The following RAD51B variants were observed in gnomAD, a reference collection of about 807,000 sequenced individuals.
RAD51B encodes DNA repair protein RAD51 homolog 2.
In RAD51B, 38 loss-of-function variants were observed where a neutral mutation model predicts 42.2. The ratio of observed to expected loss-of-function variants is 0.90; its 90% CI spans 0.70 to 1.18. RAD51B has a LOEUF of 1.18. RAD51B is among the 50% of genes most tolerant of loss of function. The pLI is 0.00. For synonymous variants in RAD51B, 154 were observed against 145.2 expected (o/e 1.06, Z -0.43); for missense variants, 373 against 400.7 (o/e 0.93, Z 0.59).
intron 7 of RAD51B, among the ~76,000 whole-genome samples, chr14:67,992,027 A>G (rs201326095): frequency 6.6e-6 from 1 of 151,458 alleles, no homozygotes; most frequent in East Asian, 1.9e-4. Flanking sequence ...TGTTTCTTTC[A>G]AAAAAATGCA....
intron 7 of RAD51B, among the ~76,000 whole-genome samples, chr14:67,893,494 ACACACACACACAC>A (rs1294013548): frequency 2.7e-4 from 23 of 85,316 alleles, no homozygotes; most frequent in African/African-American, 1.1e-3. Flanking sequence ...ACACACACAC[ACACACACACACAC>A]ACAAAAAAAA....
chr14:68,559,960 C>A (rs1319794890), intron 10 of RAD51B, among the ~76,000 whole-genome samples: 1 of 152,124 alleles, frequency 6.6e-6, no homozygotes, highest in Non-Finnish European at 1.5e-5. Context: ...ATGAGAAGAC[C>A]CAGACCCAGA....
At chr14:68,584,065 C>G (rs550563200) in intron 10 of RAD51B, among the ~76,000 whole-genome samples, 1 of 149,198 alleles carries the variant, frequency 6.7e-6, no homozygotes, top group African/African-American at 2.5e-5. Context: ...GATGCCCAGG[C>G]GCCCCCCCAC....
At chr14:68,272,624 TTATAAACACTTTATATATATATATA>T (rs1322949922) in intron 7 of RAD51B, among the ~76,000 whole-genome samples, 4 of 114,728 alleles carry the variant, frequency 3.5e-5, no homozygotes, top group Non-Finnish European at 7.2e-5. Flanking sequence ...GGTATTTTGT[TTATAAACACTTTATATATATATATA>T]TATATATATA....
Position 68,611,505 on chromosome 14 carries a change from T to G in RAD51B, c.*258T>G, listed in dbSNP as rs1243538690. The G allele has an allele frequency of 1.2e-5, 6 of 511,114 alleles. No homozygotes were observed. The East Asian group carries it at 2.0e-4, about 17-fold the overall frequency. The allele number at this position is 511,114 out of a possible 1,614,324, so 31.7% of individuals were successfully genotyped here. On this transcript the variant is annotated 3_prime_UTR_variant, in exon 11 of 11. Transcript: ENST00000487861. ...GAGTGATTAGAGCTTCTGCCCTCCT[T>G]GCAGCATCTCTATTGTAAAAGGATT...
chr14:68,440,766 A>G (rs2085267460), intron 9 of RAD51B, among the ~76,000 whole-genome samples: 1 of 152,138 alleles, frequency 6.6e-6, no homozygotes, highest in South Asian at 2.1e-4. Flanking sequence ...AGAAAGAAAG[A>G]AAGAAAGAAA....
chr14:67,930,604 C>G (rs2044692717), intron 7 of RAD51B, among the ~76,000 whole-genome samples: 1 of 152,136 alleles, frequency 6.6e-6, no homozygotes, highest in African/African-American at 2.4e-5. Flanking sequence ...ACATTTTCCT[C>G]TTGCTGCTTT....
chr14:68,085,538 T>C (rs1169597689), intron 7 of RAD51B, among the ~76,000 whole-genome samples: 3 of 152,128 alleles, frequency 2.0e-5, no homozygotes, highest in Admixed American at 6.5e-5. Flanking sequence ...TGAATTCAGC[T>C]AAGAGTTCAA....
At chr14:68,476,134 T>G (rs1477287421) in intron 10 of RAD51B, among the ~76,000 whole-genome samples, 1 of 151,898 alleles carries the variant, frequency 6.6e-6, no homozygotes, top group Non-Finnish European at 1.5e-5. Context: ...AAAAGCCAAC[T>G]GTGATACCTA....
chr14:68,132,827 C>A (rs574033491), intron 7 of RAD51B, among the ~76,000 whole-genome samples: 45 of 152,316 alleles, frequency 3.0e-4, no homozygotes, highest in South Asian at 1.0e-3. Context: ...ATACATCTCC[C>A]AACAATCAAG....
chr14:68,475,823 A>G (rs576434707), intron 10 of RAD51B, among the ~76,000 whole-genome samples: 1 of 152,356 alleles, frequency 6.6e-6, no homozygotes, highest in South Asian at 2.1e-4. Flanking sequence ...CTATCTTTGC[A>G]GAGTTAACAA....
In RAD51B at chr14:68,032,749, C is replaced by T. The variant is rs547054040; in HGVS notation, c.756+145545C>T. 2.6e-5 allele frequency among the ~76,000 whole-genome samples: 4 copies of T among 152,280 alleles called. No homozygotes were observed. In the East Asian group the frequency reaches 7.7e-4, roughly 29 times the overall value. ...AGTGATAACAAGAAATGTTATTTCC[C>T]TTTATAAACATTCTAATGAGTTTTC... On this transcript the variant is annotated intron_variant, in intron 7 of 10. Coordinates refer to ENST00000471583, the MANE Select transcript of RAD51B (RefSeq NM_133510.4).
intron 7 of RAD51B, among the ~76,000 whole-genome samples, chr14:68,127,883 GTT>G (rs2077804232): frequency 2.0e-5 from 3 of 152,156 alleles, no homozygotes; most frequent in Admixed American, 1.3e-4. Context: ...GGAATTGCCT[GTT>G]AGTTTGTGTC....
chr14:68,431,762 T>A (rs1033530147), intron 9 of RAD51B, among the ~76,000 whole-genome samples: 16 of 152,356 alleles, frequency 1.1e-4, no homozygotes, highest in Non-Finnish European at 2.1e-4. Flanking sequence ...TCAGTTCTGC[T>A]CCGATCTTAG....
chr14:68,075,607 T>A (rs1382246581), intron 7 of RAD51B, among the ~76,000 whole-genome samples: 2 of 150,332 alleles, frequency 1.3e-5, no homozygotes, highest in African/African-American at 4.9e-5. Context: ...CTGAGAGCAG[T>A]AAGGGCAGTA....
chr14:68,246,555 G>A (rs7145107), intron 7 of RAD51B, among the ~76,000 whole-genome samples: 4,472 of 152,186 alleles, frequency 0.029, 225 homozygotes, highest in African/African-American at 0.1. Flanking sequence ...ATTCTGTAAC[G>A]GAAGTCACCA....
chr14:68,595,120 C>T lies in RAD51B; in HGVS notation c.*517C>T, dbSNP rs896432785. 6 of 1,066,898 alleles carry T rather than the reference C, an allele frequency of 5.6e-6. No homozygotes were observed. In the African/African-American group the frequency reaches 9.8e-5, roughly 17 times the overall value. 66.1% of individuals were successfully genotyped at this position (1,066,898 alleles called of 1,614,324 possible). A position where few individuals can be genotyped will look rare whatever the true frequency, so the allele number is the denominator to read the frequency against. On this transcript the variant is annotated 3_prime_UTR_variant, in exon 11 of 11. Transcript: ENST00000487270. ...TGAACCACAGCATTTTGGTAAATGC[C>T]TCAGCATGTTAGGAGCGCTGGAACG... is the stretch of plus-strand genomic sequence containing the variant.
chr14:68,402,485 C>T (rs1217159432), intron 8 of RAD51B, among the ~76,000 whole-genome samples: 2 of 152,202 alleles, frequency 1.3e-5, no homozygotes, highest in African/African-American at 2.4e-5. Context: ...TCCCTAGTCT[C>T]GCACTCAGAC....
intron 3 of RAD51B, among the ~76,000 whole-genome samples, chr14:67,828,621 G>T (rs1353195156): frequency 6.6e-6 from 1 of 151,938 alleles, no homozygotes; most frequent in Non-Finnish European, 1.5e-5. Context: ...TATAGTTTTG[G>T]ATTTTACATT....
Sources: allele counts gnomAD v4.1 joint callset (sites outside exome capture counted in the v4.1 genomes callset), GRCh38; gene constraint gnomAD v4.1.1; transcripts MANE v1.5; gene names NCBI Gene and HGNC (gene_info 2026-07-23, HGNC 2026-07-21).